NOX3: variants seen among roughly 807,000 people sequenced by gnomAD.
NOX3 encodes the protein NADPH oxidase 3, also known as NADPH oxidase catalytic subunit-like 3.
Under a neutral mutation model 76.7 loss-of-function variants are expected in NOX3, and 74 were observed. The ratio of observed to expected loss-of-function variants is 0.96; its 90% confidence interval spans 0.80 to 1.17. NOX3 has a LOEUF of 1.17. NOX3 is among the 50% of genes most tolerant of loss of function. The probability of loss-of-function intolerance (pLI) is 0.00; values close to 1 mark genes in which losing one functional copy is unlikely to be tolerated. For synonymous variants in NOX3, 263 were observed against 261.1 expected (o/e 1.01, Z -0.07); for missense variants, 695 against 703.3 (o/e 0.99, Z 0.13).
At chr6:155,447,138 C>T (rs772977219) in intron 4 of NOX3, among the ~76,000 whole-genome samples, 1 of 151,556 alleles carries the variant, frequency 6.6e-6, no homozygotes, top group Non-Finnish European at 1.5e-5. Flanking sequence ...CTCTGCCTCT[C>T]GGGTTCAAGC....
chr6:155,411,503 G>A, intron 10 of NOX3, 143 bp from the exon 11 acceptor site: 1 of 679,570 alleles, frequency 1.5e-6, no homozygotes. Context: ...GTGTGTCAGT[G>A]AACAAACAGT....
chr6:155,428,181 G>A (rs550151653), intron 9 of NOX3, among the ~76,000 whole-genome samples: 24 of 152,370 alleles, frequency 1.6e-4, no homozygotes, highest in South Asian at 6.2e-4. Context: ...GATAACAGGC[G>A]TGAGCCCAGA....
chr6:155,449,747 G>A (rs1562473267), intron 4 of NOX3, among the ~76,000 whole-genome samples: 1 of 152,168 alleles, frequency 6.6e-6, no homozygotes, highest in Non-Finnish European at 1.5e-5. Context: ...TTAGAGGTTG[G>A]CATGCAAACT....
intron 9 of NOX3, among the ~76,000 whole-genome samples, chr6:155,425,311 C>G (rs1017648800): frequency 6.6e-6 from 1 of 152,158 alleles, no homozygotes; most frequent in Admixed American, 6.5e-5. Flanking sequence ...CAATCTGAAT[C>G]AGCTTCATTT....
intron 9 of NOX3, among the ~76,000 whole-genome samples, chr6:155,427,032 G>GTGTGTGCGC (rs1776767073): frequency 1.8e-5 from 1 of 57,090 alleles, no homozygotes; most frequent in African/African-American, 6.5e-5. Context: ...TGTGTGTGCT[G>GTGTGTGCGC]GGGGGGTTGG....
chr6:155,398,244 C>A (rs1779165440), intron 12 of NOX3, among the ~76,000 whole-genome samples: 1 of 152,084 alleles, frequency 6.6e-6, no homozygotes, highest in Non-Finnish European at 1.5e-5. Context: ...CCAAGGAATG[C>A]ATGTTTAGTG....
chr6:155,405,924 A>T (rs1776451934), intron 12 of NOX3, among the ~76,000 whole-genome samples: 1 of 152,146 alleles, frequency 6.6e-6, no homozygotes, highest in South Asian at 2.1e-4. Context: ...ATAAAATCCA[A>T]AGTTTTACAA....
At chr6:155,409,375 T>C (rs1289387719) in intron 11 of NOX3, among the ~76,000 whole-genome samples, 1 of 151,928 alleles carries the variant, frequency 6.6e-6, no homozygotes, top group East Asian at 1.9e-4. Flanking sequence ...AGCTAGTGAG[T>C]GGGAGTCAGG....
At chr6:155,397,480 C>T (rs1310962540) in intron 12 of NOX3, among the ~76,000 whole-genome samples, 1 of 152,130 alleles carries the variant, frequency 6.6e-6, no homozygotes, top group Non-Finnish European at 1.5e-5. Context: ...GAACATAAAC[C>T]TGGTCTGTTT....
intron 4 of NOX3, among the ~76,000 whole-genome samples, chr6:155,448,471 C>T (rs945564670): frequency 2.6e-5 from 4 of 152,012 alleles, no homozygotes; most frequent in African/African-American, 9.7e-5. Context: ...TTCCATAACC[C>T]ACTCAATTGT....
At chr6:155,412,598 G>T in intron 10 of NOX3, among the ~76,000 whole-genome samples, 1 of 152,148 alleles carries the variant, frequency 6.6e-6, no homozygotes, top group Non-Finnish European at 1.5e-5. Context: ...TAAGCACAAT[G>T]ACCTGCTTTT....
At position 155,397,655 on chromosome 6, in the gene NOX3, T is replaced by A. The variant is rs80265158; in HGVS notation, c.1581-693A>T. On this transcript the variant is annotated intron_variant, in intron 12 of 13. Coordinates refer to ENST00000159060, the MANE Select transcript of NOX3 (RefSeq NM_015718.3). Reference sequence around the variant, plus strand: ...AAGATGATAAGGACTACGTTGTATGTTTTATCAAAAGCAAGATGAGATAAT... The same window carrying A: ...AAGATGATAAGGACTACGTTGTATGATTTATCAAAAGCAAGATGAGATAAT... Among the ~76,000 whole-genome samples the A allele has an allele frequency of 5.3e-3, 805 of 152,334 alleles. 7 individuals are homozygous for A. Among genetic ancestry groups the A allele is most frequent in the African/African-American group, 0.019 (775 of 41,574 alleles).
At chr6:155,428,586 CT>C (rs35328292) in intron 9 of NOX3, among the ~76,000 whole-genome samples, 39,193 of 138,054 alleles carry the variant, frequency 0.28, 5,644 homozygotes, top group African/African-American at 0.37. Context: ...GTCTTTTTTT[CT>C]TTTTTTTTTT....
intron 7 of NOX3, among the ~76,000 whole-genome samples, chr6:155,433,640 T>TA (rs906204391): frequency 5.3e-5 from 8 of 152,180 alleles, no homozygotes; most frequent in African/African-American, 1.9e-4. Context: ...TATGTACTTG[T>TA]AGCAGCTAGC....
chr6:155,413,815 A>G (rs1776587101), intron 10 of NOX3, among the ~76,000 whole-genome samples: 1 of 152,098 alleles, frequency 6.6e-6, no homozygotes, highest in Non-Finnish European at 1.5e-5. Flanking sequence ...TCTCTTTCCC[A>G]TTCTTTAAGG....
chr6:155,411,376 G>T lies in NOX3; in HGVS notation c.1309-16C>A. On this transcript the variant is annotated splice_polypyrimidine_tract_variant and intron_variant, in intron 10 of 13. Coordinates refer to ENST00000159060, the MANE Select transcript of NOX3 (RefSeq NM_015718.3). Reference sequence around the variant, plus strand: ...AGAAATACACCTGTCAAGAGAGAAGGCAAGTGAACGGATCTATTCTCTTTT... The same window carrying T: ...AGAAATACACCTGTCAAGAGAGAAGTCAAGTGAACGGATCTATTCTCTTTT... 3 of 1,609,420 alleles carry T rather than the reference G, an allele frequency of 1.9e-6. No homozygotes were observed. Among genetic ancestry groups the T allele is most frequent in the Non-Finnish European group, 2.5e-6 (3 of 1,177,720 alleles).
rs750362870 is a variant in NOX3 at position 155,396,821 on chromosome 6, C to T, written c.*15G>A. 1 of 1,604,358 alleles carries T rather than the reference C, an allele frequency of 6.2e-7. No homozygotes were observed. The highest frequency in any genetic ancestry group is 1.7e-5 in the Admixed American group (1 of 58,992). ...TGCAGCCACTTACACAATGCCTGGACTTGACCTCCAAAGTCTAGAAGCTCT... is the reference window on the plus strand; with the variant it reads ...TGCAGCCACTTACACAATGCCTGGATTTGACCTCCAAAGTCTAGAAGCTCT... On this transcript the variant is annotated 3_prime_UTR_variant, in exon 13 of 14. Transcript: ENST00000159060.
At chr6:155,430,818 T>C in intron 8 of NOX3, 25 bp downstream of exon 8, 1 of 1,520,480 alleles carries the variant, frequency 6.6e-7, no homozygotes, top group Non-Finnish European at 9.1e-7. Context: ...CAGGCTTTTA[T>C]TCAGACATAA....
intron 7 of NOX3, among the ~76,000 whole-genome samples, chr6:155,433,704 C>G (rs1776864960): frequency 6.6e-6 from 1 of 151,684 alleles, no homozygotes; most frequent in Non-Finnish European, 1.5e-5. Context: ...AGAGTGAATG[C>G]TGTGAATGGA....
Sources: gnomAD v4.1 joint callset for allele counts (sites outside exome capture counted in the v4.1 genomes callset) on GRCh38, gnomAD v4.1.1 for gene constraint, MANE v1.5 for transcripts, NCBI Gene and HGNC (gene_info 2026-07-23, HGNC 2026-07-21) for gene names.